CCDC102A: variants seen among roughly 807,000 people sequenced by gnomAD.
CCDC102A encodes the protein coiled-coil domain-containing protein 102A.
A neutral mutation model predicts 55.5 loss-of-function variants in CCDC102A; 40 were observed. The ratio of observed to expected loss-of-function variants is 0.72; its 90% CI spans 0.56 to 0.94. The LOEUF (loss-of-function observed/expected upper bound fraction) is 0.94, where lower values mean the gene tolerates loss of function less well. Among genes scored for constraint, CCDC102A ranks in the 40% least tolerant of loss-of-function variants. The pLI is 0.00. For synonymous variants in CCDC102A, 323 were observed against 339.0 expected (o/e 0.95, Z 0.52); for missense variants, 779 against 768.6 (o/e 1.01, Z -0.16).
chr16:57,533,598 A>T (rs1453790563), intron 1 of CCDC102A, among the ~76,000 whole-genome samples: 2 of 151,606 alleles, frequency 1.3e-5, no homozygotes, highest in Non-Finnish European at 2.9e-5. Context: ...ACACTCACAC[A>T]TGGCCCCAGG....
rs771426219 is a variant in CCDC102A, at chr16:57,528,637, C to T, written c.541G>A (p.Glu181Lys). The T allele has an allele frequency of 8.2e-7, 1 of 1,224,264 alleles. No homozygotes were observed. Among genetic ancestry groups the T allele is most frequent in the Admixed American group, 4.1e-5 (1 of 24,298 alleles). 75.8% of individuals were successfully genotyped at this position (1,224,264 alleles called of 1,614,324 possible). Residue 181 changes from glutamate (E) to lysine (K), a missense_variant, in exon 2 of 9, where the codon GAG becomes AAG. Transcript: ENST00000258214. The part of the protein sequence containing the change: ...RDGPEPEAER[E>K]PVRDVGSERP... ...TCGGACCCGACGTCACGCACTGGCT[C>T]GCGCTCCGCTTCCGGCTCGGGGCCG...
chr16:57,526,513 T>C (rs915471962), intron 2 of CCDC102A, among the ~76,000 whole-genome samples: 3 of 152,212 alleles, frequency 2.0e-5, no homozygotes, highest in Non-Finnish European at 4.4e-5. Flanking sequence ...ATCCTGTTTT[T>C]TCAGGGGCAA....
chr16:57,512,899 A>G, intron 8 of CCDC102A, 29 bp from the exon 9 acceptor site: 3 of 1,603,860 alleles, frequency 1.9e-6, no homozygotes, highest in Middle Eastern at 1.7e-4. Flanking sequence ...AGGAGGTTAG[A>G]GCAGCCTGGC....
chr16:57,534,081 T>C (rs1452517649), intron 1 of CCDC102A, among the ~76,000 whole-genome samples: 4 of 152,176 alleles, frequency 2.6e-5, no homozygotes, highest in African/African-American at 4.8e-5. Context: ...CAAATGCCCA[T>C]GTCCCAGACT....
Position 57,528,681 on chromosome 16 carries a change from A to G in CCDC102A, c.497T>C (p.Val166Ala), listed in dbSNP as rs992326781. ...GGGGCCGTCGCGCGTCTGGTCGGCG[A>G]CCCCCCGGGCGCCCCTCAGCCGCGC... ...ELARLRGARG[V>A]ADQTRDGPEP... The change falls in exon 2 of 9, where the codon GTC becomes GCC. Residue 166 changes from valine to alanine, a missense_variant. Val to Ala is a moderately conservative substitution (Grantham distance 64). Coordinates refer to ENST00000258214, the MANE Select transcript of CCDC102A (RefSeq NM_033212.4). 7.1e-6 allele frequency: 8 copies of G among 1,124,708 alleles called. No homozygotes were observed. The highest frequency in any genetic ancestry group is 5.2e-5 in the Admixed American group (1 of 19,094). 69.7% of individuals were successfully genotyped at this position (1,124,708 alleles called of 1,614,324 possible).
intron 1 of CCDC102A, among the ~76,000 whole-genome samples, chr16:57,532,818 T>C (rs1161162449): frequency 6.6e-6 from 1 of 151,926 alleles, no homozygotes; most frequent in African/African-American, 2.4e-5. Flanking sequence ...TGTGAGAGCC[T>C]GTGGGGGGAG....
At chr16:57,531,504 A>G (rs2032262537) in intron 1 of CCDC102A, among the ~76,000 whole-genome samples, 1 of 151,990 alleles carries the variant, frequency 6.6e-6, no homozygotes, top group African/African-American at 2.4e-5. Flanking sequence ...CCCATCATGC[A>G]CTTTCACCTC....
rs771868352 is a variant in CCDC102A at position 57,516,766 on chromosome 16, C to A, written c.1249-303G>T. On this transcript the variant is annotated intron_variant, in intron 6 of 8. Transcript: ENST00000258214. This position sits in a 1 kb window ranked among gnomAD's most constrained non-coding sequence, Gnocchi z 4.4. ...GCTGTTGGAGCAGGGTCGGGGTTTC[C>A]GGGGAAGGATGAGGTCTGGAGTCTT... is the stretch of plus-strand genomic sequence containing the variant. Among the ~76,000 whole-genome samples the A allele has an allele frequency of 1.3e-5, 2 of 151,868 alleles. No homozygotes were observed. Among genetic ancestry groups the A allele is most frequent in the African/African-American group, 4.8e-5 (2 of 41,302 alleles).
At position 57,526,110 on chromosome 16, in the gene CCDC102A, C is replaced by T. The variant is rs767427086; in HGVS notation, c.603G>A (p.Glu201=). 1 of 1,549,404 alleles carries T rather than the reference C, an allele frequency of 6.5e-7. No individual in the cohort carries two copies. Among genetic ancestry groups the T allele is most frequent in the Non-Finnish European group, 8.7e-7 (1 of 1,155,382 alleles). ...CCTCTGGCATGCTCTTCAGCAGGCT[C>T]TCCACCAGCTCCAGTTCCTGCGGGG... is the stretch of plus-strand genomic sequence containing the variant. ...PPGSQELELV[E]SLLKSMPEES... Residue 201 remains glutamate, a synonymous_variant, in exon 3 of 9, where the codon GAG becomes GAA. Coordinates refer to ENST00000258214, the MANE Select transcript of CCDC102A (RefSeq NM_033212.4).
chr16:57,523,627 C>T (rs2032087282), intron 3 of CCDC102A, among the ~76,000 whole-genome samples: 1 of 151,776 alleles, frequency 6.6e-6, no homozygotes, highest in South Asian at 2.1e-4. Context: ...ACTACAGTGG[C>T]ACAGCCCCGT....
Position 57,516,353 on chromosome 16 carries a change from C to T in CCDC102A, c.1359G>A (p.Val453=), listed in dbSNP as rs751974984. ...NRRVEQHEAE[V]KKLRLRVEEL... Reference sequence around the variant, plus strand: ...CCTCCACCCGCAGCCGCAGCTTCTTCACCTCAGCCTCGTGCTGCTCCACCC... The same window carrying T: ...CCTCCACCCGCAGCCGCAGCTTCTTTACCTCAGCCTCGTGCTGCTCCACCC... The change falls in exon 7 of 9, where the codon GTG becomes GTA. Residue 453 remains valine (V), a synonymous_variant. Coordinates refer to ENST00000258214, the MANE Select transcript of CCDC102A (RefSeq NM_033212.4). The surrounding 1 kb of genome is among the most constrained non-coding windows in gnomAD (Gnocchi z 4.4). 6.2e-6 allele frequency: 10 copies of T among 1,608,912 alleles called. No individual in the cohort carries two copies. The highest frequency in any genetic ancestry group is 7.6e-6 in the Non-Finnish European group (9 of 1,180,018).
At chr16:57,525,699 A>G (rs2032127028) in intron 3 of CCDC102A, among the ~76,000 whole-genome samples, 1 of 152,224 alleles carries the variant, frequency 6.6e-6, no homozygotes, top group African/African-American at 2.4e-5. Flanking sequence ...CCTGGCCCAG[A>G]ACAGGTGCCT....
chr16:57,531,145 C>T (rs2032252414), intron 1 of CCDC102A, among the ~76,000 whole-genome samples: 1 of 152,088 alleles, frequency 6.6e-6, no homozygotes, highest in African/African-American at 2.4e-5. Context: ...CCCAGGTTGC[C>T]CTCAGAGCTT....
chr16:57,526,389 T>C (rs1206580601), intron 2 of CCDC102A, among the ~76,000 whole-genome samples: 1 of 152,230 alleles, frequency 6.6e-6, no homozygotes, highest in Non-Finnish European at 1.5e-5. Context: ...GTGAGCTCCC[T>C]GTCACTGGAA....
At chr16:57,518,782 G>GATAT (rs1269086828) in intron 4 of CCDC102A, 41 bp from the exon 5 acceptor site, 1 of 1,506,854 alleles carries the variant, frequency 6.6e-7, no homozygotes, top group African/African-American at 1.4e-5. Flanking sequence ...GAACCACCAG[G>GATAT]ATATAGCCTG....
In CCDC102A at chr16:57,528,614, G is replaced by A. The variant is rs1423209690; in HGVS notation, c.564C>T (p.Ser188=). The change falls in exon 2 of 9, where the codon TCC becomes TCT. Residue 188 remains serine, a synonymous_variant. Coordinates refer to ENST00000258214, the MANE Select transcript of CCDC102A (RefSeq NM_033212.4). ...GCACCTGGCTGCCTGGCGGCCTCTC[G>A]GACCCGACGTCACGCACTGGCTCGC... ...AEREPVRDVG[S]ERPPGSQELE... The A allele has an allele frequency of 1.3e-5, 17 of 1,275,558 alleles. 1 individual carries two copies. In the East Asian group the frequency reaches 1.6e-4, roughly 12 times the overall value. 79.0% of individuals were successfully genotyped at this position (1,275,558 alleles called of 1,614,324 possible).
rs1356475083 is a variant in CCDC102A at position 57,528,708 on chromosome 16, A to G, written c.470T>C (p.Leu157Pro). ...QGECEARGRE[L>P]ARLRGARGVA... ...CCCCCGGGCGCCCCTCAGCCGCGCC[A>G]GCTCGCGGCCCCGTGCCTCGCACTC... The change falls in exon 2 of 9, where the codon CTG becomes CCG. Residue 157 changes from leucine to proline, a missense_variant. Coordinates refer to ENST00000258214, the MANE Select transcript of CCDC102A (RefSeq NM_033212.4). 192 of 1,123,278 alleles carry G rather than the reference A, an allele frequency of 1.7e-4. No individual in the cohort carries two copies. The African/African-American group carries it at 3.1e-3, about 18-fold the overall frequency. 69.6% of individuals were successfully genotyped at this position (1,123,278 alleles called of 1,614,324 possible). A position where few individuals can be genotyped will look rare whatever the true frequency, so the allele number is the denominator to read the frequency against.
intron 8 of CCDC102A, among the ~76,000 whole-genome samples, chr16:57,513,370 G>T (rs1453119155): frequency 1.3e-5 from 2 of 152,174 alleles, no homozygotes; most frequent in Non-Finnish European, 2.9e-5. Flanking sequence ...AGTCTAAGAA[G>T]AGCTGGTGAA....
Position 57,528,811 on chromosome 16 carries a change from G to T in CCDC102A, c.367C>A (p.Arg123Ser), listed in dbSNP as rs1256739852. 3.2e-6 allele frequency: 4 copies of T among 1,240,330 alleles called. No individual in the cohort carries two copies. Among genetic ancestry groups the T allele is most frequent in the Middle Eastern group, 2.5e-4 (1 of 3,932 alleles). 76.8% of individuals were successfully genotyped at this position (1,240,330 alleles called of 1,614,324 possible). A position where few individuals can be genotyped will look rare whatever the true frequency, so the allele number is the denominator to read the frequency against. ...GCGTCCAGGCGCTGGCGCAGCTGGC[G>T]CACCTCCTCGCGCGCGCGGTTGCGC... ...AERNRAREEV[R>S]QLRQRLDALT... Residue 123 changes from arginine to serine, a missense_variant, in exon 2 of 9, where the codon CGC (arginine) becomes AGC (serine). By Grantham distance (110) the Arg-to-Ser change is moderately radical. Transcript: ENST00000258214.
Sources: allele counts gnomAD v4.1 joint callset (sites outside exome capture counted in the v4.1 genomes callset), GRCh38; gene constraint gnomAD v4.1.1; non-coding constraint Gnocchi (gnomAD v3.1); transcripts MANE v1.5; gene names NCBI Gene and HGNC (gene_info 2026-07-23, HGNC 2026-07-21).